Variants in ZPBP observed in about 807,000 individuals in gnomAD.
ZPBP encodes zona pellucida-binding protein 1.
A neutral mutation model predicts 44.8 loss-of-function variants in ZPBP; 26 were observed. That is an observed-to-expected ratio of 0.58 (90% CI 0.43 to 0.81). ZPBP has a LOEUF of 0.81. Ranked by LOEUF, ZPBP falls within the 30% of genes least tolerant of loss-of-function variation. ZPBP has a pLI of 0.00. For synonymous variants in ZPBP, 174 were observed against 153.2 expected (o/e 1.14, Z -1.00); for missense variants, 409 against 434.0 (o/e 0.94, Z 0.51).
intron 2 of ZPBP, among the ~76,000 whole-genome samples, chr7:49,871,547 G>A (rs945347379): frequency 3.3e-5 from 5 of 151,998 alleles, no homozygotes; most frequent in East Asian, 1.9e-4. Context: ...GCAGAAAAAC[G>A]AATGACAGAA....
chr7:49,947,000 A>G (rs879375764), intron 7 of ZPBP, among the ~76,000 whole-genome samples: 1 of 152,050 alleles, frequency 6.6e-6, no homozygotes, highest in African/African-American at 2.4e-5. Flanking sequence ...ATTCTTCAAT[A>G]TATCAATTGC....
chr7:49,901,887 A>AGCTAACACTGTTTGCTAACT (rs1562762966), intron 1 of ZPBP, among the ~76,000 whole-genome samples: 4 of 151,978 alleles, frequency 2.6e-5, no homozygotes, highest in African/African-American at 9.7e-5. Flanking sequence ...GTTTGCTAAC[A>AGCTAACACTGTTTGCTAACT]CTGTTAGCTA....
the ZPBP span, among the ~76,000 whole-genome samples, chr7:49,845,260 C>T: frequency 5.3e-5 from 8 of 151,354 alleles, no homozygotes; most frequent in East Asian, 1.9e-4. Flanking sequence ...CCTGCATACA[C>T]TGCACATGTA....
intron 3 of ZPBP, among the ~76,000 whole-genome samples, chr7:50,062,978 TG>T (rs1801320837): frequency 9.1e-6 from 1 of 109,992 alleles, no homozygotes; most frequent in Admixed American, 1.1e-4. Context: ...TTTAACATTT[TG>T]TGGGGTGGGG....
downstream of ZPBP, among the ~76,000 whole-genome samples, chr7:49,848,967 T>A (rs188168557): frequency 6.6e-6 from 1 of 152,372 alleles, no homozygotes; most frequent in Admixed American, 6.5e-5. Flanking sequence ...TTATCTAAAC[T>A]GTGGAAAATG....
At chr7:49,949,122 A>G (rs949609459) in intron 7 of ZPBP, among the ~76,000 whole-genome samples, 4 of 152,152 alleles carry the variant, frequency 2.6e-5, no homozygotes, top group Non-Finnish European at 5.9e-5. Context: ...GCACCAAGGA[A>G]AAGCCATGTA....
At chr7:49,861,469 C>T (rs983257432) in intron 2 of ZPBP, among the ~76,000 whole-genome samples, 1 of 152,120 alleles carries the variant, frequency 6.6e-6, no homozygotes, top group Admixed American at 6.5e-5. Context: ...TAAAATATCC[C>T]ATTATGCAGG....
intron 2 of ZPBP, among the ~76,000 whole-genome samples, chr7:49,879,855 T>G (rs1791595627): frequency 6.6e-6 from 1 of 152,172 alleles, no homozygotes; most frequent in Admixed American, 6.5e-5. Flanking sequence ...TGTACTTATT[T>G]TAAAACCTCA....
intron 2 of ZPBP, among the ~76,000 whole-genome samples, chr7:49,876,164 A>G (rs113734911): frequency 0.03 from 4,570 of 152,302 alleles, 193 homozygotes; most frequent in South Asian, 0.13. Context: ...TCTTGGCTGT[A>G]TAAGAACTTG....
At chr7:49,965,942 TAAC>T (rs1241249043) in intron 7 of ZPBP, among the ~76,000 whole-genome samples, 3 of 152,032 alleles carry the variant, frequency 2.0e-5, no homozygotes, top group African/African-American at 7.2e-5. Flanking sequence ...CATACCATGA[TAAC>T]AATAATGAAA....
At chr7:49,886,863 G>A (rs924014130) in intron 2 of ZPBP, among the ~76,000 whole-genome samples, 1 of 152,112 alleles carries the variant, frequency 6.6e-6, no homozygotes, top group South Asian at 2.1e-4. Flanking sequence ...AGAAAAATGT[G>A]TATGTTTCAA....
intron 7 of ZPBP, among the ~76,000 whole-genome samples, chr7:49,963,379 T>C (rs1001254380): frequency 9.2e-5 from 14 of 151,816 alleles, no homozygotes; most frequent in Admixed American, 2.0e-4. Context: ...TTAACTCTTA[T>C]GTATTTACTC....
rs1227329219 is a variant in ZPBP, at chr7:49,983,379, C to G, written c.924G>C (p.Met308Ile). The G allele has an allele frequency of 1.2e-6, 2 of 1,613,384 alleles. No homozygotes were observed. Among genetic ancestry groups the G allele is most frequent in the Non-Finnish European group, 1.7e-6 (2 of 1,179,682 alleles). The change falls in exon 7 of 8, where the codon ATG (methionine) becomes ATC (isoleucine). Residue 308 changes from methionine to isoleucine, a missense_variant. Transcript: ENST00000046087. ...GACATTTTGGATGTTGCTGGACATT[C>G]ATTCCATATCCTGGAAAGCAGCGAT... is the stretch of plus-strand genomic sequence containing the variant. Reference protein sequence around the residue: ...WINRCFPGYGMNVQQHPKCPE... With the variant: ...WINRCFPGYGINVQQHPKCPE...
At chr7:49,951,135 G>A (rs1350197996) in intron 7 of ZPBP, among the ~76,000 whole-genome samples, 14 of 151,502 alleles carry the variant, frequency 9.2e-5, no homozygotes, top group Admixed American at 9.2e-4. Context: ...AAGATATAGG[G>A]GTAAGTCTTC....
intron 3 of ZPBP, among the ~76,000 whole-genome samples, chr7:50,076,969 G>C (rs1024815319): frequency 6.6e-6 from 1 of 151,862 alleles, no homozygotes; most frequent in African/African-American, 2.4e-5. Context: ...GAGCAAAACT[G>C]GAGGAATCAC....
chr7:49,926,250 C>T (rs1794230929), intron 1 of ZPBP, among the ~76,000 whole-genome samples: 1 of 152,204 alleles, frequency 6.6e-6, no homozygotes, highest in African/African-American at 2.4e-5. Context: ...CTTGAGTCCT[C>T]TTGTGGAACA....
intron 2 of ZPBP, among the ~76,000 whole-genome samples, chr7:49,853,924 T>G (rs1452469503): frequency 6.8e-6 from 1 of 147,314 alleles, no homozygotes; most frequent in Non-Finnish European, 1.5e-5. Context: ...TCCAAATGTT[T>G]TCATTGTTCA....
At chr7:49,940,333 A>T (rs531811957) in intron 7 of ZPBP, among the ~76,000 whole-genome samples, 10 of 152,306 alleles carry the variant, frequency 6.6e-5, no homozygotes, top group African/African-American at 2.2e-4. Context: ...TTCAGAATAT[A>T]TAATTAACTC....
At chr7:49,844,793 A>G in the ZPBP span, among the ~76,000 whole-genome samples, 5 of 152,038 alleles carry the variant, frequency 3.3e-5, no homozygotes, top group Admixed American at 3.3e-4. Context: ...CCTGGGTTCA[A>G]GCGATTCTCC....
Sources: allele counts gnomAD v4.1 joint callset (sites outside exome capture counted in the v4.1 genomes callset), GRCh38; gene constraint gnomAD v4.1.1; transcripts MANE v1.5; gene names NCBI Gene and HGNC (gene_info 2026-07-23, HGNC 2026-07-21).